ZNF804B: variants seen among roughly 807,000 people sequenced by gnomAD.
ZNF804B encodes the protein zinc finger 804B.
ZNF804B carries 80 observed loss-of-function variants against 101.4 expected under a neutral mutation model. That is an observed-to-expected ratio of 0.79 (90% CI 0.66 to 0.95). The LOEUF is 0.95. Among genes scored for constraint, ZNF804B ranks in the 40% least tolerant of loss-of-function variants. The probability of loss-of-function intolerance (pLI) is 0.00; values close to 1 mark genes in which losing one functional copy is unlikely to be tolerated. For missense variants in ZNF804B, 1,673 were observed against 1,561.9 expected, an observed-to-expected ratio of 1.07 and a Z score of -1.20; for synonymous variants, 622 against 558.8, an observed-to-expected ratio of 1.11 and a Z score of -1.59.
chr7:89,325,378 A>G (rs1039967460), intron 2 of ZNF804B, among the ~76,000 whole-genome samples: 3 of 151,968 alleles, frequency 2.0e-5, no homozygotes, highest in African/African-American at 7.2e-5. Context: ...CATTGTGTAC[A>G]CCCTTATTAA....
At chr7:88,829,694 C>T (rs915077889) in intron 1 of ZNF804B, among the ~76,000 whole-genome samples, 4 of 152,166 alleles carry the variant, frequency 2.6e-5, no homozygotes, top group African/African-American at 9.6e-5. Flanking sequence ...TATTTATGTG[C>T]TCTCCAAAGA....
chr7:88,872,208 C>T lies in ZNF804B; in HGVS notation c.108+112124C>T, dbSNP rs548973738. On this transcript the variant is annotated intron_variant, in intron 1 of 3. Transcript: ENST00000333190. ...CAAACACATTTAATTGGGATTCAGGCGGTTTAAGCACAGTTCAGTATTACA... is the reference window on the plus strand; with the variant it reads ...CAAACACATTTAATTGGGATTCAGGTGGTTTAAGCACAGTTCAGTATTACA... Among the ~76,000 whole-genome samples the T allele has an allele frequency of 5.2e-4, 79 of 152,154 alleles. 1 individual carries two copies. In the East Asian group the frequency reaches 0.012, roughly 22 times the overall value.
At chr7:89,021,928 C>G (rs922884794) in intron 1 of ZNF804B, among the ~76,000 whole-genome samples, 18 of 152,154 alleles carry the variant, frequency 1.2e-4, no homozygotes, top group African/African-American at 4.1e-4. Context: ...AGTAGTAATG[C>G]TGCTGTGTGA....
intron 1 of ZNF804B, among the ~76,000 whole-genome samples, chr7:88,809,525 A>G (rs1790749065): frequency 1.3e-5 from 2 of 152,174 alleles, no homozygotes; most frequent in Non-Finnish European, 2.9e-5. Context: ...CCAATGATCA[A>G]TTGAAATCCT....
At chr7:89,027,166 T>A (rs144832134) in intron 1 of ZNF804B, among the ~76,000 whole-genome samples, 35 of 152,202 alleles carry the variant, frequency 2.3e-4, no homozygotes, top group African/African-American at 8.2e-4. Flanking sequence ...ATCCACTGGA[T>A]TGTATAAAAA....
At chr7:89,080,256 A>G (rs749416589) in intron 1 of ZNF804B, among the ~76,000 whole-genome samples, 1 of 151,488 alleles carries the variant, frequency 6.6e-6, no homozygotes, top group Non-Finnish European at 1.5e-5. Flanking sequence ...TGTTTTTGAG[A>G]GAATGAGAAA....
chr7:88,854,536 TTCCTTCC>T (rs1463277743), intron 1 of ZNF804B, among the ~76,000 whole-genome samples: 1 of 67,278 alleles, frequency 1.5e-5, no homozygotes, highest in Non-Finnish European at 2.6e-5. Flanking sequence ...CTTTCCTTCC[TTCCTTCC>T]TTCCTTCCTT....
At chr7:89,186,363 G>A (rs940315921) in intron 1 of ZNF804B, among the ~76,000 whole-genome samples, 9 of 152,026 alleles carry the variant, frequency 5.9e-5, no homozygotes, top group African/African-American at 2.2e-4. Context: ...TAGGCTTTGG[G>A]TGAATAAGAA....
intron 1 of ZNF804B, among the ~76,000 whole-genome samples, chr7:89,116,575 G>A (rs764775975): frequency 8.7e-4 from 133 of 152,112 alleles, no homozygotes; most frequent in Middle Eastern, 6.8e-3. Flanking sequence ...CATTTTAAAG[G>A]TTCAAATATT....
At chr7:88,823,120 G>T (rs552828912) in intron 1 of ZNF804B, among the ~76,000 whole-genome samples, 3 of 152,282 alleles carry the variant, frequency 2.0e-5, no homozygotes, top group East Asian at 1.9e-4. Context: ...TGAGGCAGGA[G>T]AATTGCTTAA....
At chr7:88,835,010 A>T (rs1181184813) in intron 1 of ZNF804B, among the ~76,000 whole-genome samples, 3 of 151,830 alleles carry the variant, frequency 2.0e-5, no homozygotes, top group Non-Finnish European at 4.4e-5. Flanking sequence ...GACACTACTG[A>T]ACTTTCAGAG....
chr7:89,144,258 A>G (rs933822197), intron 1 of ZNF804B, among the ~76,000 whole-genome samples: 2 of 151,990 alleles, frequency 1.3e-5, no homozygotes, highest in Non-Finnish European at 2.9e-5. Flanking sequence ...TGTCATTTCT[A>G]TTTTGAGAAA....
chr7:89,326,580 C>T (rs748785253), intron 2 of ZNF804B, among the ~76,000 whole-genome samples: 1 of 151,916 alleles, frequency 6.6e-6, no homozygotes, highest in Non-Finnish European at 1.5e-5. Flanking sequence ...AGGATTAAGC[C>T]CCAAACTTCA....
intron 1 of ZNF804B, among the ~76,000 whole-genome samples, chr7:89,188,777 A>C (rs1215891445): frequency 2.0e-5 from 3 of 152,178 alleles, no homozygotes; most frequent in African/African-American, 7.2e-5. Context: ...GCAAGGCCTT[A>C]ACTCTCTTTA....
chr7:88,855,302 G>C (rs1324223384), intron 1 of ZNF804B, among the ~76,000 whole-genome samples: 1 of 145,154 alleles, frequency 6.9e-6, no homozygotes, highest in Non-Finnish European at 1.5e-5. Flanking sequence ...CATTCTAACT[G>C]GTGTGAGATG....
At position 89,335,502 on chromosome 7, in the gene ZNF804B, T is replaced by G. The variant is rs1562744470; in HGVS notation, c.2520T>G (p.Ser840Arg). Residue 840 changes from serine to arginine, a missense_variant, in exon 4 of 4, where the codon AGT becomes AGG. Physicochemically the swap from Ser to Arg is moderately radical, Grantham distance 110. Transcript: ENST00000333190. ...SNSQISCTGSSKKPPNCQGTQ... is the reference protein window; with the variant it reads ...SNSQISCTGSRKKPPNCQGTQ... The stretch of plus-strand genomic sequence containing the variant: ...CACAGATTTCCTGTACTGGAAGCAG[T>G]AAAAAACCACCTAATTGCCAGGGAA... The G allele has an allele frequency of 1.2e-6, 2 of 1,613,844 alleles. No homozygotes were observed. The highest frequency in any genetic ancestry group is 8.5e-7 in the Non-Finnish European group (1 of 1,179,922).
At chr7:88,992,512 C>T (rs772557699) in intron 1 of ZNF804B, among the ~76,000 whole-genome samples, 6 of 152,134 alleles carry the variant, frequency 3.9e-5, no homozygotes, top group Non-Finnish European at 7.4e-5. Flanking sequence ...CTCAGGATGT[C>T]ATAAGATATC....
At chr7:89,022,789 G>T (rs1443758361) in intron 1 of ZNF804B, among the ~76,000 whole-genome samples, 1 of 152,182 alleles carries the variant, frequency 6.6e-6, no homozygotes, top group African/African-American at 2.4e-5. Flanking sequence ...GTGAAGCAAG[G>T]CAGAACGATA....
At chr7:89,088,812 G>T (rs534662582) in intron 1 of ZNF804B, among the ~76,000 whole-genome samples, 1 of 151,780 alleles carries the variant, frequency 6.6e-6, no homozygotes, top group Admixed American at 6.6e-5. Context: ...ATGTGAAATG[G>T]GAGGCAGTTG....
Sources: allele counts gnomAD v4.1 joint callset (sites outside exome capture counted in the v4.1 genomes callset), GRCh38; gene constraint gnomAD v4.1.1; transcripts MANE v1.5; gene names NCBI Gene and HGNC (gene_info 2026-07-23, HGNC 2026-07-21).